The following ANO10 variants were observed in gnomAD, a reference collection of about 807,000 sequenced individuals.
The protein encoded by ANO10 is anoctamin 10.
In ANO10, 77 loss-of-function variants were observed where a neutral mutation model predicts 74.7. The observed-to-expected ratio is 1.03, with a 90% confidence interval of 0.86 to 1.25. The LOEUF (loss-of-function observed/expected upper bound fraction) is 1.25. Ranked by LOEUF, ANO10 falls within the 50% of genes most tolerant of loss-of-function variation. The probability of loss-of-function intolerance (pLI) is 0.00; values close to 1 mark genes in which losing one functional copy is unlikely to be tolerated. For missense variants in ANO10, 721 were observed against 778.1 expected, an observed-to-expected ratio of 0.93 and a Z score of 0.87; for synonymous variants, 279 against 284.9, an observed-to-expected ratio of 0.98 and a Z score of 0.21.
At chr3:43,676,904 T>A (rs759679950) in intron 1 of ANO10, among the ~76,000 whole-genome samples, 3 of 152,010 alleles carry the variant, frequency 2.0e-5, no homozygotes, top group Non-Finnish European at 2.9e-5. Flanking sequence ...AAGGCACACA[T>A]CAGCCTGAGA....
At chr3:43,553,605 A>G (rs910920107) in intron 10 of ANO10, among the ~76,000 whole-genome samples, 11 of 149,774 alleles carry the variant, frequency 7.3e-5, no homozygotes, top group Non-Finnish European at 5.9e-5. Context: ...GGCGCAATCC[A>G]GCTCACTTCA....
intron 11 of ANO10, among the ~76,000 whole-genome samples, chr3:43,459,273 TTG>T (rs1397385049): frequency 6.6e-6 from 1 of 151,872 alleles, no homozygotes; most frequent in African/African-American, 2.4e-5. Flanking sequence ...GGATTCGGTG[TTG>T]TTGAAGGAAA....
At chr3:43,453,936 A>G (rs2075007674) in intron 11 of ANO10, among the ~76,000 whole-genome samples, 1 of 152,250 alleles carries the variant, frequency 6.6e-6, no homozygotes, top group Non-Finnish European at 1.5e-5. Flanking sequence ...TGTAGATTGG[A>G]ACTAAAGCAC....
chr3:43,608,736 GACACCCAGCTA>G (rs1366972844), intron 1 of ANO10, among the ~76,000 whole-genome samples: 3 of 151,992 alleles, frequency 2.0e-5, no homozygotes, highest in Non-Finnish European at 4.4e-5. Context: ...TGCGTGCCAT[GACACCCAGCTA>G]ATTTTTTCAT....
chr3:43,447,490 G>A (rs745863607), intron 11 of ANO10, among the ~76,000 whole-genome samples: 43 of 152,196 alleles, frequency 2.8e-4, no homozygotes, highest in African/African-American at 9.2e-4. Flanking sequence ...ACACTTAACC[G>A]CCATTTGCAT....
At chr3:43,437,556 G>A (rs1559543612) in intron 11 of ANO10, among the ~76,000 whole-genome samples, 1 of 152,168 alleles carries the variant, frequency 6.6e-6, no homozygotes, top group Non-Finnish European at 1.5e-5. Flanking sequence ...AAATGCCTAG[G>A]GAGTGCTGAG....
rs201479117 is a variant in ANO10 at position 43,576,917 on chromosome 3, G to C, written c.937C>G (p.Arg313Gly). Residue 313 changes from arginine to glycine, a missense_variant, in exon 6 of 13, where the codon CGC becomes GGC. Transcript: ENST00000292246. ...PLYPSYKRQL[R>G]IYLVSLPFVC... ...AATGGCAGGGAGACCAGGTAAATGC[G>C]CAACTGTCTCTTGTAGCTGGGGTAC... is the stretch of plus-strand genomic sequence containing the variant. 1 of 1,614,008 alleles carries C rather than the reference G, an allele frequency of 6.2e-7. No individual in the cohort carries two copies. The highest frequency in any genetic ancestry group is 1.3e-5 in the African/African-American group (1 of 74,914).
intron 3 of ANO10, 112 bp from the exon 4 acceptor site, chr3:43,598,778 TAATC>T (rs759285241): frequency 7.7e-5 from 64 of 835,046 alleles, no homozygotes; most frequent in Non-Finnish European, 1.1e-4. Flanking sequence ...ACATAAGAAG[TAATC>T]AAAGTATGAA....
chr3:43,678,567 C>G (rs1177869821), intron 1 of ANO10, among the ~76,000 whole-genome samples: 1 of 152,182 alleles, frequency 6.6e-6, no homozygotes, highest in African/African-American at 2.4e-5. Flanking sequence ...CAGTCACATA[C>G]CCCCTGCTTG....
chr3:43,456,637 A>G (rs1301147062), intron 11 of ANO10, among the ~76,000 whole-genome samples: 1 of 152,048 alleles, frequency 6.6e-6, no homozygotes, highest in Non-Finnish European at 1.5e-5. Flanking sequence ...AGCCATGCTC[A>G]TTAATTACAA....
chr3:43,554,413 G>A (rs958160536), intron 10 of ANO10, among the ~76,000 whole-genome samples: 2 of 151,798 alleles, frequency 1.3e-5, no homozygotes, highest in East Asian at 3.9e-4. Context: ...GGCTGGTCTC[G>A]AACTCCTGAC....
At chr3:43,463,583 C>T (rs555464735) in intron 11 of ANO10, among the ~76,000 whole-genome samples, 1 of 152,254 alleles carries the variant, frequency 6.6e-6, no homozygotes, top group Admixed American at 6.5e-5. Flanking sequence ...GCCTGTAGCC[C>T]CTTTGTTTTG....
At chr3:43,659,665 G>A (rs1192340974) in intron 1 of ANO10, among the ~76,000 whole-genome samples, 3 of 152,216 alleles carry the variant, frequency 2.0e-5, no homozygotes, top group African/African-American at 7.2e-5. Context: ...TGAACAAAAG[G>A]CAGCAAACAG....
chr3:43,558,827 A>T (rs1174041424), intron 9 of ANO10, among the ~76,000 whole-genome samples: 1 of 152,202 alleles, frequency 6.6e-6, no homozygotes, highest in East Asian at 1.9e-4. Context: ...AATATCCAAC[A>T]TCACTCCAGT....
rs968173342 is a variant in ANO10 at position 43,565,724 on chromosome 3, T to C, written c.1222A>G (p.Asn408Asp). Residue 408 changes from asparagine (N) to aspartate (D), a missense_variant, in exon 8 of 13, where the codon AAC (asparagine) becomes GAC (aspartate). Transcript: ENST00000292246. ...AGTGAGGCAAAGCAATTGAGGAAGTTGAACTGCCAAAAAAAAAAAAAAAAA... is the reference window on the plus strand; with the variant it reads ...AGTGAGGCAAAGCAATTGAGGAAGTCGAACTGCCAAAAAAAAAAAAAAAAA... ...NHLILKVLVFNFLNCFASLFY... is the reference protein window; with the variant it reads ...NHLILKVLVFDFLNCFASLFY... 2.0e-6 allele frequency: 3 copies of C among 1,530,530 alleles called. No homozygotes were observed. Among genetic ancestry groups the C allele is most frequent in the Non-Finnish European group, 2.6e-6 (3 of 1,141,864 alleles). The allele number at this position is 1,530,530 out of a possible 1,614,324, so 94.8% of individuals were successfully genotyped here. A position where few individuals can be genotyped will look rare whatever the true frequency, so the allele number is the denominator to read the frequency against.
Position 43,477,721 on chromosome 3 carries a change from G to A in ANO10, c.1798-44994C>T, listed in dbSNP as rs73831302. ...CCTATACTGTCAGTCGACCTTGGGT[G>A]TGTTCACACACAATAGCACACAGGA... is the stretch of plus-strand genomic sequence containing the variant. On this transcript the variant is annotated intron_variant, in intron 11 of 12. Transcript: ENST00000292246. Among the ~76,000 whole-genome samples the A allele has an allele frequency of 6.8e-3, 1,035 of 152,284 alleles. 12 individuals carry two copies. Among genetic ancestry groups the A allele is most frequent in the African/African-American group, 0.023 (971 of 41,564 alleles).
At chr3:43,565,535 A>T in intron 8 of ANO10, 118 bp downstream of exon 8, 6 of 903,204 alleles carry the variant, frequency 6.6e-6, no homozygotes, top group Non-Finnish European at 8.4e-6. Context: ...GCTTAAAAAC[A>T]TACAAAATTT....
At chr3:43,536,149 A>G (rs1269979096) in intron 11 of ANO10, among the ~76,000 whole-genome samples, 1 of 152,234 alleles carries the variant, frequency 6.6e-6, no homozygotes, top group Non-Finnish European at 1.5e-5. Context: ...GTAAAACACA[A>G]AAGTAAATGT....
At chr3:43,407,530 G>A (rs2148884626) in intron 12 of ANO10, among the ~76,000 whole-genome samples, 1 of 152,318 alleles carries the variant, frequency 6.6e-6, no homozygotes, top group East Asian at 1.9e-4. Context: ...AGCAGTGCAT[G>A]TACCACCTTC....
Sources: gnomAD v4.1 joint callset for allele counts (sites outside exome capture counted in the v4.1 genomes callset) on GRCh38, gnomAD v4.1.1 for gene constraint, MANE v1.5 for transcripts, NCBI Gene and HGNC (gene_info 2026-07-23, HGNC 2026-07-21) for gene names.